KCNJ6: variants seen among roughly 807,000 people sequenced by gnomAD.
The protein encoded by KCNJ6 is G protein-activated inward rectifier potassium channel 2.
Under a neutral mutation model 34.2 loss-of-function variants are expected in KCNJ6, and 9 were observed. The ratio of observed to expected loss-of-function variants is 0.26; its 90% CI spans 0.16 to 0.46. The LOEUF is 0.46. KCNJ6 is among the 20% of genes least tolerant of loss of function. KCNJ6 has a pLI of 1.00. For synonymous variants in KCNJ6, 196 were observed against 207.1 expected, an observed-to-expected ratio of 0.95 and a Z score of 0.46; for missense variants, 236 against 531.3, an observed-to-expected ratio of 0.44 and a Z score of 5.46.
chr21:37,621,850 GT>G lies in KCNJ6; in HGVS notation c.*3308del, dbSNP rs1265225903. On this transcript the variant is annotated 3_prime_UTR_variant, in exon 4 of 4. Transcript: ENST00000609713. ...AGGCCATGTTTGAAGGAACAGAAAA[GT>G]TGACATTTGCTATGTTAATGTAAAA... 6.6e-6 allele frequency: 1 copy of G among 152,248 alleles called. No individual in the cohort carries two copies. Among genetic ancestry groups the G allele is most frequent in the Non-Finnish European group, 1.5e-5 (1 of 68,048 alleles). 9.4% of individuals were successfully genotyped at this position (152,248 alleles called of 1,614,324 possible).
In KCNJ6 at chr21:37,881,470, G is replaced by GGA. The variant is rs10550872; in HGVS notation, c.-28+34412_-28+34413dup. ...TTCACTTGGCCTTTCCTCTCTGCATGGAGAGAGAGAGAGAGAGAGAGAGAA... is the reference window on the plus strand; with the variant it reads ...TTCACTTGGCCTTTCCTCTCTGCATGGAGAGAGAGAGAGAGAGAGAGAGAGAA... On this transcript the variant is annotated intron_variant, in intron 1 of 3. Coordinates refer to ENST00000609713, the MANE Select transcript of KCNJ6 (RefSeq NM_002240.5). Among the ~76,000 whole-genome samples, 431 of 149,200 alleles carry GGA rather than the reference G, an allele frequency of 2.9e-3. 2 individuals carry two copies. The highest frequency in any genetic ancestry group is 8.7e-3 in the African/African-American group (352 of 40,480).
intron 2 of KCNJ6, among the ~76,000 whole-genome samples, chr21:37,837,466 C>T (rs985521215): frequency 6.6e-6 from 1 of 152,202 alleles, no homozygotes; most frequent in African/African-American, 2.4e-5. Flanking sequence ...AAATGCACCT[C>T]TTCCCTGCTC....
At chr21:37,807,641 T>G (rs1464860468) in intron 2 of KCNJ6, among the ~76,000 whole-genome samples, 2 of 152,238 alleles carry the variant, frequency 1.3e-5, no homozygotes, top group Non-Finnish European at 2.9e-5. Flanking sequence ...GCTTGTGGCC[T>G]AGGAGCAACA....
At chr21:37,739,644 T>C (rs11088405) in intron 2 of KCNJ6, among the ~76,000 whole-genome samples, 75,081 of 151,902 alleles carry the variant, frequency 0.49, 18,872 homozygotes, top group South Asian at 0.62. Flanking sequence ...TTCATTTTTT[T>C]GAGTGCTATG....
intron 1 of KCNJ6, among the ~76,000 whole-genome samples, chr21:37,868,066 G>A (rs532672283): frequency 6.6e-6 from 1 of 152,350 alleles, no homozygotes; most frequent in African/African-American, 2.4e-5. Context: ...CCAGCTGGGA[G>A]AATGAAGTTG....
Position 37,646,701 on chromosome 21 carries a change from G to T in KCNJ6, c.947-21217C>A, listed in dbSNP as rs5009858. The stretch of plus-strand genomic sequence containing the variant: ...TTATTTTTTTTTTTGAGACGGAGTT[G>T]GCTCTGTCGCCCAGGCTGGAGTGCA... On this transcript the variant is annotated intron_variant, in intron 3 of 3. Transcript: ENST00000609713. 3.4e-4 allele frequency among the ~76,000 whole-genome samples: 52 copies of T among 150,794 alleles called. 1 individual carries two copies. The highest frequency in any genetic ancestry group is 6.6e-5 in the Admixed American group (1 of 15,230).
Position 37,614,597 on chromosome 21 carries a change from T to C in KCNJ6, c.*10562A>G. The C allele has an allele frequency of 8.1e-5, 1 of 12,290 alleles. No homozygotes were observed. The highest frequency in any genetic ancestry group is 1.9e-4 in the Non-Finnish European group (1 of 5,284). The allele number at this position is 12,290 out of a possible 1,614,324, so 0.8% of individuals were successfully genotyped here. On this transcript the variant is annotated 3_prime_UTR_variant, in exon 4 of 4. Transcript: ENST00000609713. ...ATGTGTCTCTGTATGCATGTGTGTG[T>C]ATGCATGTCTGTATGCGTGTGTGTA... is the stretch of plus-strand genomic sequence containing the variant.
chr21:37,825,877 C>G (rs1161440822), intron 2 of KCNJ6, among the ~76,000 whole-genome samples: 1 of 152,186 alleles, frequency 6.6e-6, no homozygotes, highest in East Asian at 1.9e-4. Flanking sequence ...AAGACTTATT[C>G]ACTACCACGA....
chr21:37,614,750 ATG>A lies in KCNJ6; in HGVS notation c.*10407_*10408del, dbSNP rs143621448. 33,656 of 116,744 alleles carry A rather than the reference ATG, an allele frequency of 0.29. 4,441 individuals are homozygous for A. Among genetic ancestry groups the A allele is most frequent in the Middle Eastern group, 0.39 (77 of 198 alleles). The allele number at this position is 116,744 out of a possible 1,614,324, so 7.2% of individuals were successfully genotyped here. On this transcript the variant is annotated 3_prime_UTR_variant, in exon 4 of 4. Coordinates refer to ENST00000609713, the MANE Select transcript of KCNJ6 (RefSeq NM_002240.5). ...TGTGTGTGTATGCGCATGTCTCTGT[ATG>A]TGTGTGTATGCATGTGTCTGTGTGT...
chr21:37,789,161 C>G (rs2055205552), intron 2 of KCNJ6, among the ~76,000 whole-genome samples: 1 of 152,106 alleles, frequency 6.6e-6, no homozygotes, highest in Admixed American at 6.5e-5. Flanking sequence ...TACTCTTTTT[C>G]TCCTTCTTCC....
chr21:37,659,596 G>A (rs1054514870), intron 3 of KCNJ6, among the ~76,000 whole-genome samples: 2 of 152,198 alleles, frequency 1.3e-5, no homozygotes, highest in African/African-American at 4.8e-5. Context: ...GCAGGCTGCT[G>A]GCTCCAGCCA....
chr21:37,788,623 A>G (rs2055202938), intron 2 of KCNJ6, among the ~76,000 whole-genome samples: 2 of 152,186 alleles, frequency 1.3e-5, no homozygotes, highest in South Asian at 4.1e-4. Context: ...AGTGTGGCAG[A>G]AGTGAAAAAG....
intron 2 of KCNJ6, among the ~76,000 whole-genome samples, chr21:37,728,548 T>C (rs927842297): frequency 1.3e-5 from 2 of 152,200 alleles, no homozygotes; most frequent in African/African-American, 4.8e-5. Flanking sequence ...CTTGTCTCAT[T>C]GCAGGAAGAG....
intron 2 of KCNJ6, among the ~76,000 whole-genome samples, chr21:37,752,794 C>G (rs2055002756): frequency 6.6e-6 from 1 of 152,160 alleles, no homozygotes; most frequent in Non-Finnish European, 1.5e-5. Context: ...GGTCCCAGAG[C>G]CAGGCTGGTG....
chr21:37,739,080 G>A lies in KCNJ6; in HGVS notation c.26-23949C>T, dbSNP rs61449432. 7.1e-3 allele frequency among the ~76,000 whole-genome samples: 1,075 copies of A among 152,276 alleles called. 8 individuals are homozygous for A. Among genetic ancestry groups the A allele is most frequent in the African/African-American group, 0.024 (1,014 of 41,550 alleles). ...AAATTTGCCTGGTCTGAATAGAGAT[G>A]TGCAGTAAGTGTTAAACACACAGGG... On this transcript the variant is annotated intron_variant, in intron 2 of 3. Coordinates refer to ENST00000609713, the MANE Select transcript of KCNJ6 (RefSeq NM_002240.5).
At chr21:37,683,290 A>G (rs1050627214) in intron 3 of KCNJ6, among the ~76,000 whole-genome samples, 1 of 152,210 alleles carries the variant, frequency 6.6e-6, no homozygotes, top group African/African-American at 2.4e-5. Flanking sequence ...CCCCCGTGAC[A>G]GAAATGGCCC....
At chr21:37,700,585 C>T (rs1422642937) in intron 3 of KCNJ6, among the ~76,000 whole-genome samples, 1 of 152,100 alleles carries the variant, frequency 6.6e-6, no homozygotes, top group Non-Finnish European at 1.5e-5. Context: ...CGAGAGACTA[C>T]ATTTAGGGAG....
chr21:37,894,432 A>C (rs1203943380), intron 1 of KCNJ6, among the ~76,000 whole-genome samples: 1 of 152,210 alleles, frequency 6.6e-6, no homozygotes, highest in East Asian at 1.9e-4. Context: ...TGGGAGGCCG[A>C]GGCAGGTGAA....
chr21:37,641,780 C>G (rs940280232), intron 3 of KCNJ6, among the ~76,000 whole-genome samples: 1 of 151,876 alleles, frequency 6.6e-6, no homozygotes, highest in African/African-American at 2.4e-5. Context: ...TGGAGGAGGA[C>G]AAAGTAAGCA....
Sources: allele counts gnomAD v4.1 joint callset (sites outside exome capture counted in the v4.1 genomes callset), GRCh38; gene constraint gnomAD v4.1.1; transcripts MANE v1.5; gene names NCBI Gene and HGNC (gene_info 2026-07-23, HGNC 2026-07-21).